Variants in IL1RAPL1 observed in about 807,000 individuals in gnomAD.
The protein encoded by IL1RAPL1 is interleukin 1 receptor accessory protein like 1, also known as interleukin-1 receptor accessory protein-like 1.
IL1RAPL1 carries 3 observed loss-of-function variants against 48.4 expected under a neutral mutation model. The observed-to-expected ratio is 0.06, with a 90% CI of 0.03 to 0.16. The LOEUF is 0.16. Ranked by LOEUF, IL1RAPL1 falls within the 10% of genes least tolerant of loss-of-function variation. IL1RAPL1 has a pLI of 1.00. For synonymous variants in IL1RAPL1, 185 were observed against 187.7 expected (o/e 0.99, Z 0.12); for missense variants, 349 against 530.6 (o/e 0.66, Z 3.36).
At chrX:29,927,366 C>CTGTT (rs754026305) in intron 8 of IL1RAPL1, among the ~76,000 whole-genome samples, 88 of 112,204 alleles carry the variant, frequency 7.8e-4, no homozygotes, top group African/African-American at 2.6e-3. Context: ...GTCAGTAGGA[C>CTGTT]TGTTTTTAAT....
At chrX:29,925,410 CTGTTTTTT>C (rs1932878247) in intron 8 of IL1RAPL1, among the ~76,000 whole-genome samples, 1 of 6,066 alleles carries the variant, frequency 1.6e-4, no homozygotes, top group African/African-American at 3.6e-4. Flanking sequence ...TGTCCCGTAA[CTGTTTTTT>C]TTTTTTTTTT....
At chrX:29,833,368 G>T (rs973505042) in intron 6 of IL1RAPL1, among the ~76,000 whole-genome samples, 1 of 109,974 alleles carries the variant, frequency 9.1e-6, no homozygotes, top group African/African-American at 3.3e-5. Context: ...TAACTTGGGG[G>T]GTTCTGGATA....
At chrX:29,311,937 C>T (rs998287423) in intron 3 of IL1RAPL1, among the ~76,000 whole-genome samples, 2 of 111,754 alleles carry the variant, frequency 1.8e-5, no homozygotes, top group Non-Finnish European at 3.8e-5. Context: ...GAGCTAGGGG[C>T]TTGGCAATAT....
At chrX:29,865,636 CTTTTTTT>C (rs1171882981) in intron 6 of IL1RAPL1, among the ~76,000 whole-genome samples, 23 of 76,335 alleles carry the variant, frequency 3.0e-4, no homozygotes, top group South Asian at 1.9e-3. Flanking sequence ...CTTTTCTTTT[CTTTTTTT>C]TTTTTTTTTT....
At chrX:29,319,558 G>C (rs6653815) in intron 3 of IL1RAPL1, among the ~76,000 whole-genome samples, 36,398 of 80,207 alleles carry the variant, frequency 0.45, 9,316 homozygotes, top group Non-Finnish European at 0.57. Flanking sequence ...ATGTATGTAT[G>C]TATCTATCTA....
intron 6 of IL1RAPL1, among the ~76,000 whole-genome samples, chrX:29,688,148 T>G (rs914279175): frequency 2.7e-5 from 3 of 112,169 alleles, no homozygotes; most frequent in African/African-American, 9.7e-5. Flanking sequence ...CTATGTTAGT[T>G]TTCTGTGGCT....
chrX:29,013,551 T>G (rs1226050057), intron 2 of IL1RAPL1, among the ~76,000 whole-genome samples: 1 of 111,873 alleles, frequency 8.9e-6, no homozygotes, highest in East Asian at 2.8e-4. Flanking sequence ...AGGAATGAGA[T>G]CATGTCCTTT....
chrX:28,850,960 C>T lies in IL1RAPL1; in HGVS notation c.82+61535C>T, dbSNP rs142144416. On this transcript the variant is annotated intron_variant, in intron 2 of 10. Transcript: ENST00000378993. ...CCAGTATGGAAAAGTATAGTCTCTT[C>T]TGTGTCTGCCAGTCAAAGGTAGTTT... Among the ~76,000 whole-genome samples, 1,031 of 105,053 alleles carry T rather than the reference C, an allele frequency of 9.8e-3. 9 individuals are homozygous for T. Among genetic ancestry groups the T allele is most frequent in the South Asian group, 0.034 (77 of 2,269 alleles). The allele number at this position is 105,053 out of a possible 115,157, so 91.2% of individuals were successfully genotyped here. A position where few individuals can be genotyped will look rare whatever the true frequency, so the allele number is the denominator to read the frequency against.
chrX:29,695,613 AG>A (rs1224415833), intron 6 of IL1RAPL1, among the ~76,000 whole-genome samples: 2 of 109,381 alleles, frequency 1.8e-5, no homozygotes, highest in Non-Finnish European at 3.8e-5. Context: ...AGAGAGAGAG[AG>A]AGAGAGAGAG....
At chrX:29,044,791 C>T (rs1017291038) in intron 2 of IL1RAPL1, among the ~76,000 whole-genome samples, 9 of 110,877 alleles carry the variant, frequency 8.1e-5, no homozygotes, top group African/African-American at 3.0e-4. Context: ...TTGTTAACAC[C>T]CACAGTGGAA....
At chrX:29,653,648 G>T (rs1393490177) in intron 5 of IL1RAPL1, among the ~76,000 whole-genome samples, 2 of 110,614 alleles carry the variant, frequency 1.8e-5, no homozygotes, top group African/African-American at 6.6e-5. Context: ...TGATAGACTT[G>T]TTTTATGAAA....
chrX:29,494,541 A>G (rs976243549), intron 5 of IL1RAPL1, among the ~76,000 whole-genome samples: 3 of 112,096 alleles, frequency 2.7e-5, no homozygotes, highest in African/African-American at 9.7e-5. Flanking sequence ...AGCTTGATAT[A>G]CCATTAAAAT....
At chrX:29,840,296 G>A (rs1931110710) in intron 6 of IL1RAPL1, among the ~76,000 whole-genome samples, 1 of 111,700 alleles carries the variant, frequency 9.0e-6, no homozygotes, top group African/African-American at 3.3e-5. Context: ...TAGAGTAGAT[G>A]AGCCTCCATA....
At chrX:28,788,965 G>GGATGAT (rs1454957571) in intron 1 of IL1RAPL1, among the ~76,000 whole-genome samples, 2 of 111,449 alleles carry the variant, frequency 1.8e-5, no homozygotes, top group African/African-American at 6.5e-5. Flanking sequence ...ATGTCAGTTT[G>GGATGAT]GATGATTTTT....
rs370651823 is a variant in IL1RAPL1 at position 28,772,107 on chromosome X, A to T, written c.-24-17213A>T. ...GAGCGCTTTCTACCCCTTTCTCTCGAAACATTTCATTGTTGGTAGATGAAA... is the reference window on the plus strand; with the variant it reads ...GAGCGCTTTCTACCCCTTTCTCTCGTAACATTTCATTGTTGGTAGATGAAA... On this transcript the variant is annotated intron_variant, in intron 1 of 10. Coordinates refer to ENST00000378993, the MANE Select transcript of IL1RAPL1 (RefSeq NM_014271.4). Among the ~76,000 whole-genome samples the T allele has an allele frequency of 3.6e-5, 4 of 111,239 alleles. No homozygotes were observed. In the East Asian group the frequency reaches 8.5e-4, roughly 24 times the overall value.
intron 2 of IL1RAPL1, among the ~76,000 whole-genome samples, chrX:28,815,270 T>G (rs1404777586): frequency 9.0e-6 from 1 of 110,790 alleles, no homozygotes; most frequent in East Asian, 2.9e-4. Flanking sequence ...GCTTTATTTC[T>G]TCTTCACTTC....
At chrX:29,779,893 G>A (rs768828266) in intron 6 of IL1RAPL1, among the ~76,000 whole-genome samples, 50 of 110,620 alleles carry the variant, frequency 4.5e-4, no homozygotes, top group Non-Finnish European at 8.1e-4. Context: ...GCCTTTTAGC[G>A]GGCATTACTG....
chrX:28,938,681 T>C (rs1313269503), intron 2 of IL1RAPL1, among the ~76,000 whole-genome samples: 1 of 111,387 alleles, frequency 9.0e-6, no homozygotes, highest in Non-Finnish European at 1.9e-5. Flanking sequence ...AAAAACGGTA[T>C]CTAATTAAAC....
intron 2 of IL1RAPL1, among the ~76,000 whole-genome samples, chrX:29,069,034 G>A (rs1927507655): frequency 8.9e-6 from 1 of 111,949 alleles, no homozygotes; most frequent in Non-Finnish European, 1.9e-5. Flanking sequence ...CTCTCCCAGC[G>A]AATACAGTTA....
Sources: allele counts gnomAD v4.1 joint callset (sites outside exome capture counted in the v4.1 genomes callset), GRCh38; gene constraint gnomAD v4.1.1; transcripts MANE v1.5; gene names NCBI Gene and HGNC (gene_info 2026-07-23, HGNC 2026-07-21).